Variants in DNAH10 observed in about 807,000 individuals in gnomAD.
DNAH10 encodes the protein dynein axonemal heavy chain 10.
Under a neutral mutation model 506.6 loss-of-function variants are expected in DNAH10, and 348 were observed. That is an observed-to-expected ratio of 0.69 (90% CI 0.63 to 0.75). DNAH10 has a LOEUF of 0.75. Among genes scored for constraint, DNAH10 ranks in the 30% least tolerant of loss-of-function variants. The probability of loss-of-function intolerance (pLI) is 0.00; values close to 1 mark genes in which losing one functional copy is unlikely to be tolerated. For synonymous variants in DNAH10, 2,059 were observed against 2,198.6 expected (o/e 0.94, Z 1.78); for missense variants, 5,179 against 5,787.1 (o/e 0.89, Z 3.41).
chr12:123,771,607 G>C lies in DNAH10; in HGVS notation c.305G>C (p.Arg102Pro). 1 of 1,613,398 alleles carries C rather than the reference G, an allele frequency of 6.2e-7. No homozygotes were observed. The highest frequency in any genetic ancestry group is 8.5e-7 in the Non-Finnish European group (1 of 1,179,624). ...VESVDKVRAK[R>P]VSLRTESLGQ... ...ACTGATTGCTGTTTTGCAGCTAAGC[G>C]TGTGTCACTGAGAACCGAATCTCTA... is the stretch of plus-strand genomic sequence containing the variant. The change falls in exon 3 of 79, where the codon CGT becomes CCT. Residue 102 changes from arginine to proline, a missense_variant. By Grantham distance (103) the Arg-to-Pro change is moderately radical. Around this residue, in one of 3 missense-constraint regions of DNAH10, gnomAD observed 326 missense variants for 330.8 expected, o/e 0.99. Coordinates refer to ENST00000673944, the MANE Select transcript of DNAH10 (RefSeq NM_001372106.1).
At position 123,846,191 on chromosome 12, in the gene DNAH10, C is replaced by A. The variant is rs1423624079; in HGVS notation, c.5814+37C>A. 3 of 1,586,872 alleles carry A rather than the reference C, an allele frequency of 1.9e-6. No individual in the cohort carries two copies. Among genetic ancestry groups the A allele is most frequent in the East Asian group, 2.2e-5 (1 of 44,538 alleles). Reference sequence around the variant, plus strand: ...CCTGGCACTTGTGGTTACCACTTACCTTGGGGCGGGGCATTTTCTCTAAGC... The same window carrying A: ...CCTGGCACTTGTGGTTACCACTTACATTGGGGCGGGGCATTTTCTCTAAGC... On this transcript the variant is annotated intron_variant, in intron 32 of 78. Transcript: ENST00000673944. The surrounding 1 kb of genome is among the most constrained non-coding windows in gnomAD (Gnocchi z 4.5).
chr12:123,912,398 T>C (rs189121631), intron 59 of DNAH10, among the ~76,000 whole-genome samples: 27 of 36,134 alleles, frequency 7.5e-4, no homozygotes, highest in African/African-American at 1.2e-3. Flanking sequence ...GGGTCTGTCC[T>C]GGGGGGGGTC....
Position 123,879,772 on chromosome 12 carries a change from G to T in DNAH10, c.8605G>T (p.Asp2869Tyr), listed in dbSNP as rs552572298. The change falls in exon 50 of 79, where the codon GAC becomes TAC. Residue 2869 changes from aspartate to tyrosine, a missense_variant. By Grantham distance (160) the Asp-to-Tyr change is radical. Around this residue, in one of 3 missense-constraint regions of DNAH10, gnomAD observed 4,844 missense variants for 5,430.5 expected, o/e 0.89. Transcript: ENST00000673944. ...ACCACGCATTTATGAAGACATCCAG[G>T]ACTACGAGGCGGCCAAGGCTCTGTT... ...GEPRIYEDIQ[D>Y]YEAAKALFQE... The T allele has an allele frequency of 6.2e-7, 1 of 1,614,020 alleles. No homozygotes were observed. The highest frequency in any genetic ancestry group is 1.3e-5 in the African/African-American group (1 of 75,060).
chr12:123,782,580 T>A (rs1957706209), intron 6 of DNAH10, among the ~76,000 whole-genome samples: 1 of 151,536 alleles, frequency 6.6e-6, no homozygotes, highest in African/African-American at 2.4e-5. Flanking sequence ...CCTAGCTAAT[T>A]TTTGTATTTT....
At chr12:123,932,321 C>T (rs971455072) in intron 76 of DNAH10, among the ~76,000 whole-genome samples, 8 of 152,130 alleles carry the variant, frequency 5.3e-5, no homozygotes, top group Non-Finnish European at 1.0e-4. Flanking sequence ...CTTACATACC[C>T]GATTATTTTA....
chr12:123,928,380 G>T lies in DNAH10; in HGVS notation c.12106-7G>T. The T allele has an allele frequency of 6.3e-7, 1 of 1,583,082 alleles. No individual in the cohort carries two copies. Among genetic ancestry groups the T allele is most frequent in the Non-Finnish European group, 8.6e-7 (1 of 1,165,292 alleles). On this transcript the variant is annotated splice_polypyrimidine_tract_variant and splice_region_variant and intron_variant, in intron 69 of 78. Transcript: ENST00000673944. This position sits in a 1 kb window ranked among gnomAD's most constrained non-coding sequence, Gnocchi z 4.9. ...ACCCCTCTCCTCTTCCCTCTCCCCCGGCGCAGGTGGCCCTGCAGCTGCTGG... is the reference window on the plus strand; with the variant it reads ...ACCCCTCTCCTCTTCCCTCTCCCCCTGCGCAGGTGGCCCTGCAGCTGCTGG...
intron 59 of DNAH10, 136 bp downstream of exon 59, chr12:123,910,808 C>G (rs56179989): frequency 0.018 from 20,092 of 1,124,016 alleles, 254 homozygotes; most frequent in Middle Eastern, 0.03. Context: ...CCTCCACCAC[C>G]CAATAAATGG....
intron 30 of DNAH10, among the ~76,000 whole-genome samples, chr12:123,842,799 A>G (rs528387153): frequency 2.8e-4 from 43 of 152,356 alleles, no homozygotes; most frequent in African/African-American, 9.1e-4. Flanking sequence ...TCAAAGCTAA[A>G]TGAAATAAGT....
chr12:123,846,206 T>C lies in DNAH10; in HGVS notation c.5814+52T>C. ...TACCACTTACCTTGGGGCGGGGCAT[T>C]TTCTCTAAGCTTGAGGTGTGATGAC... On this transcript the variant is annotated intron_variant, in intron 32 of 78. Transcript: ENST00000673944. The surrounding 1 kb of genome is among the most constrained non-coding windows in gnomAD (Gnocchi z 4.5). 6.4e-7 allele frequency: 1 copy of C among 1,567,320 alleles called. No individual in the cohort carries two copies. Among genetic ancestry groups the C allele is most frequent in the African/African-American group, 1.4e-5 (1 of 73,858 alleles).
chr12:123,845,110 C>T (rs1950900450), intron 30 of DNAH10, among the ~76,000 whole-genome samples: 1 of 152,168 alleles, frequency 6.6e-6, no homozygotes, highest in Non-Finnish European at 1.5e-5. Context: ...TCCTGGGCTC[C>T]AGCGCCCCTG....
chr12:123,784,176 A>T lies in DNAH10; in HGVS notation c.1229A>T (p.Lys410Met). ...CTCTCCACCGTGGAGCGTTATTTCAAGGTATGCTGGGTGTGCTGCACTTTG... is the reference window on the plus strand; with the variant it reads ...CTCTCCACCGTGGAGCGTTATTTCATGGTATGCTGGGTGTGCTGCACTTTG... ...RFLSTVERYF[K>M]NITHGSGFHV... is the part of the protein sequence containing the mutation. The change falls in exon 8 of 79, where the codon AAG (lysine) becomes ATG (methionine). Residue 410 changes from lysine (K) to methionine (M), a missense_variant and splice_region_variant. Transcript: ENST00000673944. 1 of 1,613,662 alleles carries T rather than the reference A, an allele frequency of 6.2e-7. No individual in the cohort carries two copies. The highest frequency in any genetic ancestry group is 1.7e-5 in the Admixed American group (1 of 60,018).
At position 123,903,146 on chromosome 12, in the gene DNAH10, A is replaced by G. The variant is rs1953609450; in HGVS notation, c.9815+33A>G. ...ACCTGAGCCACCATTCTGGGCTTCC[A>G]TTCCACCTCTGCAAGCCAGTAGTCT... On this transcript the variant is annotated intron_variant, in intron 57 of 78. Transcript: ENST00000673944. This position sits in a 1 kb window ranked among gnomAD's most constrained non-coding sequence, Gnocchi z 4.6. 1.3e-6 allele frequency: 2 copies of G among 1,576,458 alleles called. No homozygotes were observed. Among genetic ancestry groups the G allele is most frequent in the East Asian group, 2.3e-5 (1 of 43,368 alleles).
At position 123,887,124 on chromosome 12, in the gene DNAH10, T is replaced by G. The variant is rs1051295820; in HGVS notation, c.8824-18T>G. On this transcript the variant is annotated intron_variant, in intron 51 of 78. Transcript: ENST00000673944. ...GCTGGTGGTGGTGACGCCCATGTGC[T>G]CTGTGTCTGCATCGCAGGTGTTTGA... 4.9e-5 allele frequency: 78 copies of G among 1,590,946 alleles called. No homozygotes were observed. The highest frequency in any genetic ancestry group is 6.1e-5 in the Non-Finnish European group (71 of 1,168,920).
chr12:123,914,829 T>G (rs1225914126), intron 61 of DNAH10, 23 bp from the exon 62 acceptor site: 1 of 1,610,438 alleles, frequency 6.2e-7, no homozygotes, highest in Non-Finnish European at 8.5e-7. Context: ...AAAAATTCAT[T>G]TCCCAATGGC....
At chr12:123,829,080 A>G (rs1264067278) in intron 25 of DNAH10, among the ~76,000 whole-genome samples, 1 of 152,156 alleles carries the variant, frequency 6.6e-6, no homozygotes, top group Non-Finnish European at 1.5e-5. Context: ...ATTTATTTGC[A>G]AGGCCGCCAA....
chr12:123,827,526 G>A (rs1960118972), intron 25 of DNAH10, among the ~76,000 whole-genome samples: 1 of 152,176 alleles, frequency 6.6e-6, no homozygotes, highest in Non-Finnish European at 1.5e-5. Flanking sequence ...GGGACAGAGG[G>A]GGCATGGGTC....
intron 29 of DNAH10, among the ~76,000 whole-genome samples, chr12:123,840,855 C>T (rs1950748672): frequency 2.0e-5 from 3 of 152,120 alleles, no homozygotes; most frequent in South Asian, 4.1e-4. Flanking sequence ...TTTGATTCTC[C>T]CAAGCCCACC....
At chr12:123,807,328 T>C (rs1958719941) in intron 18 of DNAH10, among the ~76,000 whole-genome samples, 1 of 152,080 alleles carries the variant, frequency 6.6e-6, no homozygotes, top group South Asian at 2.1e-4. Context: ...TCTAACCTCA[T>C]AGAGAAGGCA....
chr12:123,918,541 C>T (rs928755422), intron 64 of DNAH10, 135 bp from the exon 65 acceptor site: 113 of 1,115,706 alleles, frequency 1.0e-4, no homozygotes, highest in Non-Finnish European at 1.9e-5. Flanking sequence ...TGGGTGCCCT[C>T]GCTCCCCTGC....
Sources: allele counts gnomAD v4.1 joint callset (sites outside exome capture counted in the v4.1 genomes callset), GRCh38; gene constraint gnomAD v4.1.1; regional missense constraint gnomAD v4.1.1; non-coding constraint Gnocchi (gnomAD v3.1); transcripts MANE v1.5; gene names NCBI Gene and HGNC (gene_info 2026-07-23, HGNC 2026-07-21).